The following NPAS3 variants were observed in gnomAD, a reference collection of about 807,000 sequenced individuals.
The protein encoded by NPAS3 is neuronal PAS domain protein 3, also known as neuronal PAS domain-containing protein 3.
A neutral mutation model predicts 73.1 loss-of-function variants in NPAS3; 14 were observed. That is an observed-to-expected ratio of 0.19 (90% confidence interval 0.13 to 0.30). The LOEUF (loss-of-function observed/expected upper bound fraction) is 0.30, where lower values mean the gene tolerates loss of function less well. NPAS3 is among the 10% of genes least tolerant of loss of function. NPAS3 has a pLI of 1.00. For synonymous variants in NPAS3, 620 were observed against 541.5 expected (o/e 1.14, Z -2.01); for missense variants, 1,096 against 1,250.0 (o/e 0.88, Z 1.86).
intron 4 of NPAS3, among the ~76,000 whole-genome samples, chr14:33,382,594 A>G (rs1374123450): frequency 6.6e-6 from 1 of 152,160 alleles, no homozygotes; most frequent in Non-Finnish European, 1.5e-5. Flanking sequence ...AGCTTGTTAT[A>G]TATAAGGCTC....
At chr14:33,743,688 A>T (rs1461239276) in intron 7 of NPAS3, among the ~76,000 whole-genome samples, 1 of 152,210 alleles carries the variant, frequency 6.6e-6, no homozygotes, top group African/African-American at 2.4e-5. Context: ...AAAATCCTAG[A>T]TGGCATCTTC....
intron 1 of NPAS3, among the ~76,000 whole-genome samples, chr14:33,035,807 C>A (rs879660230): frequency 6.6e-6 from 1 of 152,156 alleles, no homozygotes; most frequent in Middle Eastern, 3.2e-3. Flanking sequence ...CATCTTTACA[C>A]TCTGGGCTTT....
intron 2 of NPAS3, among the ~76,000 whole-genome samples, chr14:33,130,051 A>G (rs943422470): frequency 1.3e-5 from 2 of 152,114 alleles, no homozygotes; most frequent in Admixed American, 1.3e-4. Flanking sequence ...CAGAAGTGCT[A>G]CTGTTTGCTA....
intron 2 of NPAS3, among the ~76,000 whole-genome samples, chr14:33,114,867 G>A (rs1167827287): frequency 6.6e-6 from 1 of 152,130 alleles, no homozygotes; most frequent in Non-Finnish European, 1.5e-5. Context: ...ATGTATTAGG[G>A]TAGATTACAA....
chr14:33,198,076 C>A (rs202167766), intron 2 of NPAS3, among the ~76,000 whole-genome samples: 3 of 95,952 alleles, frequency 3.1e-5, no homozygotes, highest in African/African-American at 9.5e-5. Context: ...TCCTCCCGTC[C>A]AGAGTTGTTC....
chr14:33,479,591 G>A (rs2051212250), intron 4 of NPAS3, among the ~76,000 whole-genome samples: 1 of 152,206 alleles, frequency 6.6e-6, no homozygotes. Flanking sequence ...TGCAGCTTGT[G>A]ATCCCTAGAG....
At chr14:33,061,878 C>T (rs905787727) in intron 2 of NPAS3, among the ~76,000 whole-genome samples, 1 of 152,130 alleles carries the variant, frequency 6.6e-6, no homozygotes, top group Non-Finnish European at 1.5e-5. Context: ...ACAGAGGGGC[C>T]ATTTTTAATA....
chr14:33,049,807 T>A (rs773587321), intron 1 of NPAS3, among the ~76,000 whole-genome samples: 6 of 152,184 alleles, frequency 3.9e-5, no homozygotes, highest in Non-Finnish European at 7.3e-5. Flanking sequence ...GATGGACAAA[T>A]GCTGGGACCC....
chr14:33,784,454 G>A (rs1489170179), intron 9 of NPAS3, among the ~76,000 whole-genome samples: 1 of 152,168 alleles, frequency 6.6e-6, no homozygotes, highest in African/African-American at 2.4e-5. Context: ...CAACTAAGGG[G>A]AGGATGGAGA....
chr14:33,410,852 G>A (rs1404450967), intron 4 of NPAS3, among the ~76,000 whole-genome samples: 1 of 152,122 alleles, frequency 6.6e-6, no homozygotes, highest in Non-Finnish European at 1.5e-5. Flanking sequence ...CACCATGCTG[G>A]CCAGGCTGGT....
At chr14:33,460,812 A>C (rs2050227986) in intron 4 of NPAS3, among the ~76,000 whole-genome samples, 1 of 152,232 alleles carries the variant, frequency 6.6e-6, no homozygotes, top group Non-Finnish European at 1.5e-5. Context: ...CCAACTAACA[A>C]AACTAGATTT....
At chr14:33,355,361 C>A in intron 3 of NPAS3, among the ~76,000 whole-genome samples, 1 of 152,130 alleles carries the variant, frequency 6.6e-6, no homozygotes, top group African/African-American at 2.4e-5. Flanking sequence ...AGTGCAGTGG[C>A]GAGATCTCGG....
intron 7 of NPAS3, among the ~76,000 whole-genome samples, chr14:33,761,929 A>T (rs1194737658): frequency 2.0e-5 from 3 of 152,184 alleles, no homozygotes; most frequent in African/African-American, 7.2e-5. Context: ...TACAGGTAGA[A>T]GTAAAGCTAT....
intron 2 of NPAS3, among the ~76,000 whole-genome samples, chr14:33,173,452 T>G (rs1475181897): frequency 1.3e-5 from 2 of 152,104 alleles, no homozygotes; most frequent in Non-Finnish European, 2.9e-5. Flanking sequence ...CAGAGAGAGA[T>G]AGAGATAAAT....
chr14:33,554,193 T>C (rs778077186), intron 4 of NPAS3, among the ~76,000 whole-genome samples: 4 of 152,152 alleles, frequency 2.6e-5, no homozygotes, highest in Non-Finnish European at 5.9e-5. Flanking sequence ...ACAGAGCCTC[T>C]CCTTATTAAC....
chr14:33,297,618 C>G (rs759837080), intron 3 of NPAS3, among the ~76,000 whole-genome samples: 1 of 152,170 alleles, frequency 6.6e-6, no homozygotes, highest in Non-Finnish European at 1.5e-5. Context: ...TAAATGCACA[C>G]ACACAAAAAA....
intron 5 of NPAS3, among the ~76,000 whole-genome samples, chr14:33,675,978 G>A (rs1287321747): frequency 2.0e-5 from 3 of 149,026 alleles, no homozygotes; most frequent in African/African-American, 5.0e-5. Context: ...AACAGTGTGT[G>A]AGGAAAAAAA....
intron 4 of NPAS3, among the ~76,000 whole-genome samples, chr14:33,555,868 G>A (rs1359234635): frequency 2.0e-5 from 3 of 147,292 alleles, no homozygotes; most frequent in African/African-American, 5.0e-5. Flanking sequence ...GAAAAATATG[G>A]TAAATTAACC....
At chr14:32,962,535 G>A (rs970645656) in intron 1 of NPAS3, among the ~76,000 whole-genome samples, 3 of 150,800 alleles carry the variant, frequency 2.0e-5, no homozygotes, top group Admixed American at 2.0e-4. Flanking sequence ...ATCTTTGGGG[G>A]GTAGCTTTTC....
Sources: allele counts gnomAD v4.1 joint callset (sites outside exome capture counted in the v4.1 genomes callset), GRCh38; gene constraint gnomAD v4.1.1; transcripts MANE v1.5; gene names NCBI Gene and HGNC (gene_info 2026-07-23, HGNC 2026-07-21).